The following ZNF701 variants were observed in gnomAD, a reference collection of about 807,000 sequenced individuals.
The protein encoded by ZNF701 is zinc finger protein 701.
In ZNF701, 6 loss-of-function variants were observed where a neutral mutation model predicts 7.1. The ratio of observed to expected loss-of-function variants is 0.84; its 90% CI spans 0.46 to 1.66. The LOEUF (loss-of-function observed/expected upper bound fraction) is 1.66, where lower values mean the gene tolerates loss of function less well. Among genes scored for constraint, ZNF701 ranks in the 40% most tolerant of loss-of-function variants. The probability of loss-of-function intolerance (pLI) is 0.01; values close to 1 mark genes in which losing one functional copy is unlikely to be tolerated. For missense variants in ZNF701, 541 were observed against 559.2 expected (o/e 0.97, Z 0.33); for synonymous variants, 166 against 188.2 (o/e 0.88, Z 0.97).
At chr19:52,589,528 G>A (rs896205229), downstream of ZNF701, among the ~76,000 whole-genome samples, 2 of 147,650 alleles carry the variant, frequency 1.4e-5, no homozygotes, top group Non-Finnish European at 3.0e-5. Flanking sequence ...CACCCAGGCT[G>A]GAGTGTAATG....
chr19:52,597,260 G>A, the ZNF701 span: 1 of 548,334 alleles, frequency 1.8e-6, no homozygotes, highest in Admixed American at 1.9e-5. Context: ...AACCTCACAA[G>A]TGTGATGATT....
At chr19:52,581,483 A>G (rs753790861) in intron 3 of ZNF701, among the ~76,000 whole-genome samples, 11 of 151,822 alleles carry the variant, frequency 7.2e-5, no homozygotes, top group Non-Finnish European at 1.5e-4. Flanking sequence ...GCCTCCTAAA[A>G]TACTGGGATT....
chr19:52,587,366 C>T (rs779877062), downstream of ZNF701, among the ~76,000 whole-genome samples: 16 of 152,260 alleles, frequency 1.1e-4, no homozygotes, highest in South Asian at 2.1e-4. Flanking sequence ...CTGCTCCAGC[C>T]ATACAGGCCT....
the ZNF701 span, chr19:52,596,708 G>A: frequency 8.1e-5 from 40 of 491,946 alleles, no homozygotes; most frequent in East Asian, 1.2e-3. Context: ...CACATTTCAC[G>A]AGTATGGAAA....
chr19:52,571,384 G>A (rs771568282), intron 1 of ZNF701, among the ~76,000 whole-genome samples: 41 of 152,248 alleles, frequency 2.7e-4, no homozygotes, highest in Non-Finnish European at 3.8e-4. Context: ...GTAAAACAGA[G>A]AAGAGAGAAT....
downstream of ZNF701, among the ~76,000 whole-genome samples, chr19:52,589,422 T>C (rs2060027777): frequency 6.6e-6 from 1 of 152,132 alleles, no homozygotes; most frequent in Admixed American, 6.6e-5. Flanking sequence ...CCCTGGTGTT[T>C]TGTTCACATT....
intron 2 of ZNF701, among the ~76,000 whole-genome samples, chr19:52,574,852 T>G (rs934983726): frequency 6.6e-6 from 1 of 152,302 alleles, no homozygotes; most frequent in African/African-American, 2.4e-5. Context: ...TTTGTAAAAA[T>G]GGTTACAATT....
chr19:52,596,056 T>TAGAGGAAATTC, the ZNF701 span: 1 of 1,328,428 alleles, frequency 7.5e-7, no homozygotes, highest in Non-Finnish European at 1.1e-6. Context: ...ATGGGAAGAA[T>TAGAGGAAATTC]TTCCTCTATT....
the ZNF701 span, chr19:52,597,065 A>T: frequency 7.9e-7 from 1 of 1,260,096 alleles, no homozygotes; most frequent in Non-Finnish European, 1.1e-6. Flanking sequence ...ATCACTGGAG[A>T]ATCCATAATG....
At chr19:52,596,745 T>A in the ZNF701 span, 1 of 516,538 alleles carries the variant, frequency 1.9e-6, no homozygotes, top group Non-Finnish European at 4.0e-6. Flanking sequence ...TCAGCCCTTG[T>A]AATGCATAAG....
At position 52,582,735 on chromosome 19, in the gene ZNF701, G is replaced by C. The variant is rs747844090; in HGVS notation, c.676G>C (p.Gly226Arg). ...TAATGAGAGTGGCAAAGCCTTTAAT[G>C]GTAGCTCACTCTTAAAAAAACATCA... is the stretch of plus-strand genomic sequence containing the variant. ...QRNESGKAFN[G>R]SSLLKKHQII... The change falls in exon 4 of 4, where the codon GGT becomes CGT. Residue 226 changes from glycine to arginine, a missense_variant. Coordinates refer to ENST00000391785, the MANE Select transcript of ZNF701 (RefSeq NM_018260.3). 1.2e-6 allele frequency: 2 copies of C among 1,614,032 alleles called. No individual in the cohort carries two copies. The highest frequency in any genetic ancestry group is 3.3e-5 in the Admixed American group (2 of 59,992).
the ZNF701 span, chr19:52,597,322 A>C: frequency 5.5e-6 from 3 of 543,070 alleles, no homozygotes; most frequent in African/African-American, 3.8e-5. Flanking sequence ...CAGAGAATCC[A>C]TACTGGACAG....
In ZNF701 at chr19:52,583,912, A is replaced by C. The variant is rs2059993011; in HGVS notation, c.*455A>C. 9.7e-6 allele frequency: 4 copies of C among 411,398 alleles called. No homozygotes were observed. Among genetic ancestry groups the C allele is most frequent in the Non-Finnish European group, 1.9e-5 (4 of 206,774 alleles). 25.5% of individuals were successfully genotyped at this position (411,398 alleles called of 1,614,324 possible). ...GTGGCAAGTTTTTCAGACATCATTCATAACTTGCAGTTCATTGGCGATCTT... is the reference window on the plus strand; with the variant it reads ...GTGGCAAGTTTTTCAGACATCATTCCTAACTTGCAGTTCATTGGCGATCTT... On this transcript the variant is annotated 3_prime_UTR_variant, in exon 4 of 4. Transcript: ENST00000391785.
chr19:52,572,693 G>T (rs1415909024), intron 1 of ZNF701: 2 of 346,470 alleles, frequency 5.8e-6, no homozygotes, highest in South Asian at 2.2e-5. Flanking sequence ...GTCCCTGGCA[G>T]GGAACCCTCC....
At chr19:52,591,186 A>G (rs1339483841), downstream of ZNF701, among the ~76,000 whole-genome samples, 4 of 151,778 alleles carry the variant, frequency 2.6e-5, no homozygotes, top group Non-Finnish European at 4.4e-5. Flanking sequence ...ATATATATAC[A>G]TATATTTTAT....
At chr19:52,576,923 A>G (rs1303568944) in intron 3 of ZNF701, among the ~76,000 whole-genome samples, 1 of 152,162 alleles carries the variant, frequency 6.6e-6, no homozygotes, top group South Asian at 2.1e-4. Context: ...GTGGGAATGT[A>G]TTATAGGTGT....
intron 3 of ZNF701, 91 bp downstream of exon 3, chr19:52,576,112 G>A (rs2059932716): frequency 6.3e-7 from 1 of 1,597,490 alleles, no homozygotes; most frequent in African/African-American, 1.4e-5. Context: ...ATCCTTGCTT[G>A]GCTAAAATGG....
chr19:52,585,701 T>TC lies in ZNF701; in HGVS notation c.*2244_*2245insC, dbSNP rs2060006664. On this transcript the variant is annotated 3_prime_UTR_variant, in exon 4 of 4. Transcript: ENST00000391785. The stretch of plus-strand genomic sequence containing the variant: ...TACAAAGTTTTTGGAGGTTATTTTT[T>TC]TTTGAGGTCCCTATGGGCTACCCCT... 6.6e-6 allele frequency: 1 copy of TC among 151,976 alleles called. No homozygotes were observed. The highest frequency in any genetic ancestry group is 1.5e-5 in the Non-Finnish European group (1 of 67,964). 9.4% of individuals were successfully genotyped at this position (151,976 alleles called of 1,614,324 possible).
chr19:52,593,135 T>C, the ZNF701 span, among the ~76,000 whole-genome samples: 6 of 118,140 alleles, frequency 5.1e-5, 1 homozygote, highest in Non-Finnish European at 9.2e-5. Context: ...GCAGAAGAAT[T>C]TTTCTTAGTA....
Sources: gnomAD v4.1 joint callset for allele counts (sites outside exome capture counted in the v4.1 genomes callset) on GRCh38, gnomAD v4.1.1 for gene constraint, MANE v1.5 for transcripts, NCBI Gene and HGNC (gene_info 2026-07-23, HGNC 2026-07-21) for gene names.